TRPM4: variants seen among roughly 807,000 people sequenced by gnomAD.
TRPM4 encodes calcium-activated non-selective cation channel 1.
A neutral mutation model predicts 135.6 loss-of-function variants in TRPM4; 124 were observed. That is an observed-to-expected ratio of 0.91 (90% CI 0.79 to 1.06). The LOEUF (loss-of-function observed/expected upper bound fraction) is 1.06, where lower values mean the gene tolerates loss of function less well. TRPM4 is among the 50% of genes least tolerant of loss of function. The pLI, the probability that TRPM4 is intolerant of heterozygous loss-of-function variation, is 0.00. For missense variants in TRPM4, 1,658 were observed against 1,671.4 expected, an observed-to-expected ratio of 0.99 and a Z score of 0.14; for synonymous variants, 745 against 705.6, an observed-to-expected ratio of 1.06 and a Z score of -0.88.
chr19:49,182,515 T>C, intron 10 of TRPM4, 63 bp from the exon 11 acceptor site: 1 of 1,372,986 alleles, frequency 7.3e-7, no homozygotes, highest in Non-Finnish European at 1.0e-6. Flanking sequence ...CCTCATACCC[T>C]TGCCCATCTC....
chr19:49,210,581 G>GT lies in TRPM4; in HGVS notation c.3329-129_3329-128insT, dbSNP rs1969317564. ...GAGGGGCAGTGCTTACGGGTGAGGG[G>GT]CGGGGCATGTTCTCGAATCACCAGG... On this transcript the variant is annotated intron_variant, in intron 21 of 24. Transcript: ENST00000252826. This position sits in a 1 kb window ranked among gnomAD's most constrained non-coding sequence, Gnocchi z 4.1. 7 of 1,488,322 alleles carry GT rather than the reference G, an allele frequency of 4.7e-6. No homozygotes were observed. Among genetic ancestry groups the GT allele is most frequent in the Non-Finnish European group, 6.5e-6 (7 of 1,079,834 alleles). 92.2% of individuals were successfully genotyped at this position (1,488,322 alleles called of 1,614,324 possible).
chr19:49,210,226 T>C lies in TRPM4; in HGVS notation c.3149T>C (p.Val1050Ala), dbSNP rs770742260. The change falls in exon 21 of 25, where the codon GTA (valine) becomes GCA (alanine). Residue 1050 changes from valine (V) to alanine (A), a missense_variant. Coordinates refer to ENST00000252826, the MANE Select transcript of TRPM4 (RefSeq NM_017636.4). The surrounding 1 kb of genome is among the most constrained non-coding windows in gnomAD (Gnocchi z 4.1). ...IAMFSYTFGK[V>A]QGNSDLYWKA... ...CTTTGCAGTTACACATTCGGCAAAG[T>C]ACAGGGCAACAGCGATCTCTACTGG... The C allele has an allele frequency of 1.9e-6, 3 of 1,614,116 alleles. No individual in the cohort carries two copies. The highest frequency in any genetic ancestry group is 2.7e-5 in the African/African-American group (2 of 74,946).
Position 49,206,210 on chromosome 19 carries a change from C to T in TRPM4, c.3132-3999C>T, listed in dbSNP as rs1053679580. On this transcript the variant is annotated intron_variant, in intron 20 of 24. Coordinates refer to ENST00000252826, the MANE Select transcript of TRPM4 (RefSeq NM_017636.4). ...ACTCCTGACCTCAGGTGATCTGCCT[C>T]GGCTTTCCAAGGTGCTGGGATTACA... is the stretch of plus-strand genomic sequence containing the variant. 7.2e-5 allele frequency among the ~76,000 whole-genome samples: 11 copies of T among 152,064 alleles called. No individual in the cohort carries two copies. The East Asian group carries it at 1.2e-3, about 16-fold the overall frequency.
At chr19:49,184,021 G>A (rs10414959) in intron 12 of TRPM4, among the ~76,000 whole-genome samples, 51,234 of 151,500 alleles carry the variant, frequency 0.34, 8,902 homozygotes, top group African/African-American at 0.42. Context: ...TTGGCCTCCC[G>A]AAGTGCTGGG....
rs1214747272 is a variant in TRPM4 at position 49,190,721 on chromosome 19, G to A, written c.2158G>A (p.Glu720Lys). Residue 720 changes from glutamate to lysine, a missense_variant, in exon 16 of 25, where the codon GAG (glutamate) becomes AAG (lysine). Physicochemically the swap from Glu to Lys is moderately conservative, Grantham distance 56. Coordinates refer to ENST00000252826, the MANE Select transcript of TRPM4 (RefSeq NM_017636.4). ...FRKSEEEPTR[E>K]ELEFDMDSVI... ...GAAATCAGAAGAGGAGCCCACACGG[G>A]AGGAGCTAGAGTTTGACATGGATAG... The A allele has an allele frequency of 3.1e-6, 5 of 1,614,072 alleles. No individual in the cohort carries two copies. The highest frequency in any genetic ancestry group is 4.2e-6 in the Non-Finnish European group (5 of 1,180,048).
rs767972673 is a variant in TRPM4, at chr19:49,158,205, A to C, written c.38A>C (p.Lys13Thr). The change falls in exon 2 of 25, where the codon AAG becomes ACG. Residue 13 changes from lysine to threonine, a missense_variant. Lys to Thr is a moderately conservative substitution (Grantham distance 78). Transcript: ENST00000252826. The part of the protein sequence containing the change: ...VPEKEQSWIP[K>T]IFKKKTCTTF... ...TCCTGTCCCCAGAGCTGGATCCCCAAGATCTTCAAGAAGAAGACCTGCACG... is the reference window on the plus strand; with the variant it reads ...TCCTGTCCCCAGAGCTGGATCCCCACGATCTTCAAGAAGAAGACCTGCACG... 1 of 1,613,892 alleles carries C rather than the reference A, an allele frequency of 6.2e-7. No homozygotes were observed. The highest frequency in any genetic ancestry group is 1.1e-5 in the South Asian group (1 of 91,068).
In TRPM4 at chr19:49,183,140, C is replaced by A. The variant is rs1709075074; in HGVS notation, c.1671C>A (p.Ala557=). ...CGCTGGATGCTGGCCTCGGGCAGGC[C>A]CCCTGGAGCGACCTGCTTCTTTGGG... ...PLSLDAGLGQ[A]PWSDLLLWAL... The change falls in exon 12 of 25, where the codon GCC becomes GCA. Residue 557 remains alanine, a synonymous_variant. Coordinates refer to ENST00000252826, the MANE Select transcript of TRPM4 (RefSeq NM_017636.4). The A allele has an allele frequency of 6.2e-7, 1 of 1,613,998 alleles. No homozygotes were observed. The highest frequency in any genetic ancestry group is 8.5e-7 in the Non-Finnish European group (1 of 1,180,016).
chr19:49,179,305 T>A (rs1967825382), intron 9 of TRPM4, among the ~76,000 whole-genome samples: 1 of 152,056 alleles, frequency 6.6e-6, no homozygotes, highest in Non-Finnish European at 1.5e-5. Flanking sequence ...TTCGCCCACC[T>A]CGGCCTCCCA....
rs1232188056 is a variant in TRPM4, at chr19:49,168,585, T to C, written c.645T>C (p.Gly215=). Reference sequence around the variant, plus strand: ...TCCCTGCGAGGTACCGGTGGCGCGGTGACCCGGAGGACGGGGTCCAGTTTC... The same window carrying C: ...TCCCTGCGAGGTACCGGTGGCGCGGCGACCCGGAGGACGGGGTCCAGTTTC... The part of the protein sequence containing the change: ...GSFPARYRWR[G]DPEDGVQFPL... The change falls in exon 6 of 25, where the codon GGT becomes GGC. Residue 215 remains glycine (G), a synonymous_variant. Transcript: ENST00000252826. 1 of 1,613,638 alleles carries C rather than the reference T, an allele frequency of 6.2e-7. No homozygotes were observed. Among genetic ancestry groups the C allele is most frequent in the South Asian group, 1.1e-5 (1 of 91,084 alleles).
Position 49,160,236 on chromosome 19 carries a change from A to G in TRPM4, c.92+1977A>G, listed in dbSNP as rs371651900. 6.4e-4 allele frequency among the ~76,000 whole-genome samples: 97 copies of G among 152,338 alleles called. No homozygotes were observed. In the South Asian group the frequency reaches 0.019, roughly 29 times the overall value. On this transcript the variant is annotated intron_variant, in intron 2 of 24. Transcript: ENST00000252826. ...CCGGGCATTGTGGCTCACGCCTGTC[A>G]TCCCAACAATCTGGGAGGCCGAGGC...
chr19:49,169,320 G>A (rs1357108158), intron 6 of TRPM4, among the ~76,000 whole-genome samples: 2 of 147,354 alleles, frequency 1.4e-5, no homozygotes, highest in Non-Finnish European at 3.0e-5. Context: ...TGCCCAGGCT[G>A]GAGTGCAGTG....
Position 49,190,784 on chromosome 19 carries a change from C to T in TRPM4, c.2210+11C>T. On this transcript the variant is annotated intron_variant, in intron 16 of 24. Transcript: ENST00000252826. ...GGAAGGGCCTGTCGGGTGAGTGGAG[C>T]CTCCAGCACTGTGTGAGGTGGGGAC... The T allele has an allele frequency of 5.0e-6, 8 of 1,613,554 alleles. No homozygotes were observed. Among genetic ancestry groups the T allele is most frequent in the Non-Finnish European group, 6.8e-6 (8 of 1,179,628 alleles).
At chr19:49,186,339 G>T (rs889328874) in intron 12 of TRPM4, among the ~76,000 whole-genome samples, 5 of 152,206 alleles carry the variant, frequency 3.3e-5, no homozygotes, top group African/African-American at 4.8e-5. Context: ...AGAGCCTAAA[G>T]TTCAGCCAGA....
At chr19:49,197,361 TTTC>T (rs1968722975) in intron 17 of TRPM4, among the ~76,000 whole-genome samples, 1 of 102,454 alleles carries the variant, frequency 9.8e-6, no homozygotes, top group Non-Finnish European at 1.9e-5. Flanking sequence ...TCTTTCTTTC[TTTC>T]TCTCTCTTTC....
At chr19:49,180,786 A>C (rs367891633) in intron 9 of TRPM4, among the ~76,000 whole-genome samples, 1 of 150,724 alleles carries the variant, frequency 6.6e-6, no homozygotes, top group Non-Finnish European at 1.5e-5. Context: ...CTCTCTCCCC[A>C]TCCATCCGTC....
intron 20 of TRPM4, among the ~76,000 whole-genome samples, chr19:49,205,046 C>G (rs1969099073): frequency 6.8e-6 from 1 of 146,606 alleles, no homozygotes; most frequent in Non-Finnish European, 1.5e-5. Flanking sequence ...GATCTTGAAC[C>G]CCTGGGCTCA....
chr19:49,168,438 C>T lies in TRPM4; in HGVS notation c.612+15C>T, dbSNP rs911181193. 6 of 1,613,914 alleles carry T rather than the reference C, an allele frequency of 3.7e-6. No homozygotes were observed. The highest frequency in any genetic ancestry group is 5.1e-6 in the Non-Finnish European group (6 of 1,179,996). ...TCAACCCCAAGGTGTGACCCAGGGA[C>T]TTGGAAAAGGGGGCTGGAGGCCTGG... On this transcript the variant is annotated intron_variant, in intron 5 of 24. Transcript: ENST00000252826.
chr19:49,168,689 G>T lies in TRPM4; in HGVS notation c.749G>T (p.Arg250Leu), dbSNP rs778711356. ...HGCLGGENRFRLRLESYISQQ... is the reference protein window; with the variant it reads ...HGCLGGENRFLLRLESYISQQ... ...TGCCTGGGGGGCGAGAACCGCTTCC[G>T]CTTGCGCCTGGAGTCCTACATCTCA... Residue 250 changes from arginine (R) to leucine (L), a missense_variant, in exon 6 of 25, where the codon CGC (arginine) becomes CTC (leucine). Transcript: ENST00000252826. 1.2e-6 allele frequency: 2 copies of T among 1,609,654 alleles called. No individual in the cohort carries two copies. The highest frequency in any genetic ancestry group is 1.1e-5 in the South Asian group (1 of 90,420).
rs979145092 is a variant in TRPM4, at chr19:49,188,926, A to G, written c.1874-20A>G. ...CTACTCCTTCCCATCCCTGTCACAT[A>G]ACTAACTCCTCTGCCCCAGACCTCT... On this transcript the variant is annotated intron_variant, in intron 13 of 24. Coordinates refer to ENST00000252826, the MANE Select transcript of TRPM4 (RefSeq NM_017636.4). The G allele has an allele frequency of 2.5e-6, 4 of 1,613,836 alleles. No individual in the cohort carries two copies. Among genetic ancestry groups the G allele is most frequent in the African/African-American group, 2.7e-5 (2 of 74,898 alleles).
Sources: allele counts gnomAD v4.1 joint callset (sites outside exome capture counted in the v4.1 genomes callset), GRCh38; gene constraint gnomAD v4.1.1; non-coding constraint Gnocchi (gnomAD v3.1); transcripts MANE v1.5; gene names NCBI Gene and HGNC (gene_info 2026-07-23, HGNC 2026-07-21).